The following FGF14 variants were observed in gnomAD, a reference collection of about 807,000 sequenced individuals.
FGF14 encodes the protein fibroblast growth factor homologous factor 4.
FGF14 carries 5 observed loss-of-function variants against 25.5 expected under a neutral mutation model. The ratio of observed to expected loss-of-function variants is 0.20; its 90% CI spans 0.10 to 0.41. The LOEUF (loss-of-function observed/expected upper bound fraction) is 0.41. Ranked by LOEUF, FGF14 falls within the 10% of genes least tolerant of loss-of-function variation. FGF14 has a pLI of 1.00. For missense variants in FGF14, 222 were observed against 320.1 expected (o/e 0.69, Z 2.34); for synonymous variants, 138 against 118.3 (o/e 1.17, Z -1.08).
chr13:101,727,249 T>C (rs915717202), intron 3 of FGF14, among the ~76,000 whole-genome samples: 7 of 152,084 alleles, frequency 4.6e-5, no homozygotes, highest in African/African-American at 1.7e-4. Flanking sequence ...GCTCCTTGGA[T>C]CACTGAAATC....
chr13:102,253,040 G>A (rs1594592172), intron 1 of FGF14, among the ~76,000 whole-genome samples: 1 of 152,174 alleles, frequency 6.6e-6, no homozygotes, highest in East Asian at 1.9e-4. Flanking sequence ...TGGTGTATAT[G>A]TGCCACATAT....
chr13:102,385,047 C>T (rs1369320292), intron 1 of FGF14, among the ~76,000 whole-genome samples: 1 of 152,124 alleles, frequency 6.6e-6, no homozygotes, highest in African/African-American at 2.4e-5. Context: ...TATGTCTAAC[C>T]ACATACAATA....
chr13:101,716,583 T>C lies in FGF14; in HGVS notation c.*6248A>G, dbSNP rs1161550511. The C allele has an allele frequency of 2.0e-5, 3 of 152,174 alleles. No homozygotes were observed. The highest frequency in any genetic ancestry group is 6.5e-5 in the Admixed American group (1 of 15,274). 9.4% of individuals were successfully genotyped at this position (152,174 alleles called of 1,614,324 possible). A position where few individuals can be genotyped will look rare whatever the true frequency, so the allele number is the denominator to read the frequency against. On this transcript the variant is annotated 3_prime_UTR_variant, in exon 5 of 5. Coordinates refer to ENST00000376143, the MANE Select transcript of FGF14 (RefSeq NM_004115.4). Reference sequence around the variant, plus strand: ...TATGCGTACAAGAAATCTGATTTTTTATTTTAATTTATTCCATGGTAGTGT... The same window carrying C: ...TATGCGTACAAGAAATCTGATTTTTCATTTTAATTTATTCCATGGTAGTGT...
intron 1 of FGF14, among the ~76,000 whole-genome samples, chr13:101,931,128 A>G (rs893364356): frequency 9.2e-5 from 14 of 152,004 alleles, no homozygotes; most frequent in Non-Finnish European, 1.8e-4. Context: ...TACCCTATTT[A>G]TTTCTGTCCC....
chr13:101,899,434 C>T (rs1193712598), intron 1 of FGF14, among the ~76,000 whole-genome samples: 1 of 151,524 alleles, frequency 6.6e-6, no homozygotes, highest in African/African-American at 2.4e-5. Flanking sequence ...CTGAATTAAT[C>T]AAATGGAAGT....
At chr13:101,735,668 A>AG (rs904729497) in intron 3 of FGF14, among the ~76,000 whole-genome samples, 8 of 143,756 alleles carry the variant, frequency 5.6e-5, no homozygotes, top group African/African-American at 2.3e-4. Flanking sequence ...TTATCCCCAT[A>AG]GGAAAAAAAA....
chr13:102,178,964 T>G (rs1204529282), intron 1 of FGF14, among the ~76,000 whole-genome samples: 3 of 151,906 alleles, frequency 2.0e-5, no homozygotes, highest in Non-Finnish European at 2.9e-5. Flanking sequence ...CAGTAAGCAG[T>G]GATGAGGAAG....
In FGF14 at chr13:102,337,105, C is replaced by T. The variant is rs140853246; in HGVS notation, c.208+64366G>A. 3.5e-3 allele frequency among the ~76,000 whole-genome samples: 534 copies of T among 152,278 alleles called. 11 individuals carry two copies. Among genetic ancestry groups the T allele is most frequent in the East Asian group, 5.4e-3 (28 of 5,184 alleles). On this transcript the variant is annotated intron_variant, in intron 1 of 4. Transcript: ENST00000376131. ...TTGAAGTCTTATCCTTTAAGACCTA[C>T]ATTTTGTAAAGCTATTGCCACCATA...
In FGF14 at chr13:102,282,910, ATTAAG is replaced by A. The variant is rs371012808; in HGVS notation, c.208+118556_208+118560del. ...TATGTCAATGTTTTCCAAACCTTTT[ATTAAG>A]TTATGTTTATTAATATCTGAAAAAC... is the stretch of plus-strand genomic sequence containing the variant. On this transcript the variant is annotated intron_variant, in intron 1 of 4. Transcript: ENST00000376131. Among the ~76,000 whole-genome samples the A allele has an allele frequency of 2.4e-4, 37 of 151,888 alleles. No homozygotes were observed. In the East Asian group the frequency reaches 5.8e-3, roughly 24 times the overall value.
chr13:102,089,081 G>A (rs1297378414), intron 1 of FGF14, among the ~76,000 whole-genome samples: 2 of 152,132 alleles, frequency 1.3e-5, no homozygotes, highest in Admixed American at 6.6e-5. Context: ...ACAGAATTCA[G>A]AATACAATCT....
chr13:101,816,998 T>G (rs2041877257), intron 3 of FGF14, among the ~76,000 whole-genome samples: 1 of 152,218 alleles, frequency 6.6e-6, no homozygotes, highest in Non-Finnish European at 1.5e-5. Flanking sequence ...AAAATAATTT[T>G]TTCTTCTTTC....
At chr13:101,866,730 A>G (rs922129763) in intron 3 of FGF14, among the ~76,000 whole-genome samples, 1 of 152,168 alleles carries the variant, frequency 6.6e-6, no homozygotes, top group Non-Finnish European at 1.5e-5. Flanking sequence ...AAATTTTTTT[A>G]CATTGAAATA....
intron 1 of FGF14, among the ~76,000 whole-genome samples, chr13:102,152,601 T>C (rs1482206079): frequency 6.6e-6 from 1 of 152,168 alleles, no homozygotes; most frequent in Non-Finnish European, 1.5e-5. Context: ...CTATGAATTT[T>C]AGGGGGACGC....
intron 1 of FGF14, among the ~76,000 whole-genome samples, chr13:101,897,220 C>G (rs2030827599): frequency 6.6e-6 from 1 of 152,276 alleles, no homozygotes; most frequent in Non-Finnish European, 1.5e-5. Context: ...CTCACAAATG[C>G]TCTCACATGC....
intron 3 of FGF14, among the ~76,000 whole-genome samples, chr13:101,862,787 G>A (rs1302220457): frequency 6.6e-6 from 1 of 151,934 alleles, no homozygotes; most frequent in Non-Finnish European, 1.5e-5. Flanking sequence ...ACCAAGAAAG[G>A]ATAATAGCCA....
At chr13:102,222,218 TTTG>T (rs1193243677) in intron 1 of FGF14, among the ~76,000 whole-genome samples, 2 of 152,190 alleles carry the variant, frequency 1.3e-5, no homozygotes, top group African/African-American at 4.8e-5. Flanking sequence ...TTTCGAGGAC[TTTG>T]TTTACACTGT....
intron 1 of FGF14, among the ~76,000 whole-genome samples, chr13:101,896,987 G>A (rs935243589): frequency 1.3e-5 from 2 of 152,140 alleles, no homozygotes; most frequent in East Asian, 3.9e-4. Flanking sequence ...GGATAAGAAA[G>A]ATGGAAGTAA....
chr13:102,265,397 T>C (rs933955600), intron 1 of FGF14, among the ~76,000 whole-genome samples: 5 of 152,152 alleles, frequency 3.3e-5, no homozygotes, highest in African/African-American at 1.2e-4. Flanking sequence ...TGCACTGTTG[T>C]CGATCTCCAT....
intron 3 of FGF14, among the ~76,000 whole-genome samples, chr13:101,785,546 C>G (rs2039763210): frequency 6.6e-6 from 1 of 152,058 alleles, no homozygotes; most frequent in South Asian, 2.1e-4. Context: ...ATATTACTAA[C>G]TGGGTACTAC....
Sources: allele counts gnomAD v4.1 joint callset (sites outside exome capture counted in the v4.1 genomes callset), GRCh38; gene constraint gnomAD v4.1.1; transcripts MANE v1.5; gene names NCBI Gene and HGNC (gene_info 2026-07-23, HGNC 2026-07-21).